Variants in ASCC3 observed in about 807,000 individuals in gnomAD.
ASCC3 encodes the protein activating signal cointegrator 1 complex subunit 3.
A neutral mutation model predicts 256.3 loss-of-function variants in ASCC3; 158 were observed. That is an observed-to-expected ratio of 0.62 (90% CI 0.54 to 0.70). The LOEUF (loss-of-function observed/expected upper bound fraction) is 0.70, where lower values mean the gene tolerates loss of function less well. ASCC3 is among the 30% of genes least tolerant of loss of function. The probability of loss-of-function intolerance (pLI) is 0.00; values close to 1 mark genes in which losing one functional copy is unlikely to be tolerated. For missense variants in ASCC3, 2,259 were observed against 2,626.0 expected (o/e 0.86, Z 3.05); for synonymous variants, 948 against 883.4 (o/e 1.07, Z -1.30).
chr6:100,530,652 A>G, intron 37 of ASCC3: 1 of 832,916 alleles, frequency 1.2e-6, no homozygotes, highest in African/African-American at 1.6e-5. Flanking sequence ...CATGGATGGC[A>G]TGACAGAATT....
chr6:100,659,058 T>C (rs1776059643), intron 16 of ASCC3, among the ~76,000 whole-genome samples: 1 of 151,408 alleles, frequency 6.6e-6, no homozygotes, highest in African/African-American at 2.4e-5. Flanking sequence ...CAAATGTGCC[T>C]CATAACATGT....
intron 12 of ASCC3, 48 bp from the exon 13 acceptor site, chr6:100,715,581 C>T (rs1182589360): frequency 2.0e-6 from 3 of 1,521,894 alleles, no homozygotes; most frequent in Non-Finnish European, 9.0e-7. Flanking sequence ...CAATTATAAA[C>T]TTTCTAACTA....
chr6:100,591,042 G>A (rs1013280901), intron 34 of ASCC3, among the ~76,000 whole-genome samples: 1 of 151,968 alleles, frequency 6.6e-6, no homozygotes, highest in Non-Finnish European at 1.5e-5. Flanking sequence ...TAAAAAGGAA[G>A]TTACTTTAAT....
intron 10 of ASCC3, among the ~76,000 whole-genome samples, chr6:100,751,395 A>G (rs551778276): frequency 6.6e-6 from 1 of 152,086 alleles, no homozygotes; most frequent in East Asian, 1.9e-4. Flanking sequence ...AGGGTTCTTG[A>G]ATTTCTGACA....
At chr6:100,630,453 A>T (rs1774479571) in intron 26 of ASCC3, among the ~76,000 whole-genome samples, 1 of 151,562 alleles carries the variant, frequency 6.6e-6, no homozygotes, top group Non-Finnish European at 1.5e-5. Context: ...TTGAAAAAAC[A>T]TGAGCTAGGA....
In ASCC3 at chr6:100,519,118, G is replaced by C. The variant is rs144807200; in HGVS notation, c.5776-976C>G. Among the ~76,000 whole-genome samples, 391 of 152,134 alleles carry C rather than the reference G, an allele frequency of 2.6e-3. 7 individuals are homozygous for C. The highest frequency in any genetic ancestry group is 8.8e-3 in the African/African-American group (365 of 41,510). On this transcript the variant is annotated intron_variant, in intron 37 of 41. Transcript: ENST00000369162. The stretch of plus-strand genomic sequence containing the variant: ...AAAAATTAATTTGCTATACTACTTA[G>C]TACTGTTGATAGAGAAACATTTTCC...
At chr6:100,596,581 G>A (rs1203121087) in intron 34 of ASCC3, among the ~76,000 whole-genome samples, 1 of 151,884 alleles carries the variant, frequency 6.6e-6, no homozygotes, top group East Asian at 1.9e-4. Context: ...TTTTTGCCTC[G>A]AATTTGGTTT....
intron 2 of ASCC3, among the ~76,000 whole-genome samples, chr6:100,866,654 TAA>T (rs1350885429): frequency 6.6e-6 from 1 of 152,032 alleles, no homozygotes; most frequent in Non-Finnish European, 1.5e-5. Context: ...TTTAGACACA[TAA>T]AAAGACACCA....
At chr6:100,862,623 T>C (rs559604319) in intron 3 of ASCC3, among the ~76,000 whole-genome samples, 2 of 152,292 alleles carry the variant, frequency 1.3e-5, no homozygotes, top group Admixed American at 1.3e-4. Context: ...TTCATTTATT[T>C]AACAAATGAA....
intron 30 of ASCC3, among the ~76,000 whole-genome samples, chr6:100,608,166 ACATATT>A (rs1295531371): frequency 1.7e-3 from 202 of 119,896 alleles, no homozygotes; most frequent in South Asian, 2.9e-3. Context: ...ATATTTATAT[ACATATT>A]TATATATGTG....
At chr6:100,510,199 G>C (rs746042239) in intron 40 of ASCC3, 92 bp from the exon 41 acceptor site, 15 of 1,312,354 alleles carry the variant, frequency 1.1e-5, no homozygotes, top group Non-Finnish European at 1.4e-5. Context: ...TTACTTGAAG[G>C]CCATACATCT....
Position 100,651,599 on chromosome 6 carries a change from A to G in ASCC3, c.3036T>C (p.Phe1012=). Residue 1012 remains phenylalanine (F), a synonymous_variant, in exon 19 of 42, where the codon TTT becomes TTC. Transcript: ENST00000369162. Reference sequence around the variant, plus strand: ...ATTCTTCAGCTTTGGAGACTATGGCAAAGATATCACCTTCTGTTTTGTGAG... The same window carrying G: ...ATTCTTCAGCTTTGGAGACTATGGCGAAGATATCACCTTCTGTTTTGTGAG... The part of the protein sequence containing the change: ...FDAHKTEGDI[F]AIVSKAEEFD... The G allele has an allele frequency of 6.3e-7, 1 of 1,587,046 alleles. No homozygotes were observed. The highest frequency in any genetic ancestry group is 1.2e-5 in the South Asian group (1 of 85,638).
intron 10 of ASCC3, among the ~76,000 whole-genome samples, chr6:100,760,632 G>A (rs906811088): frequency 6.6e-6 from 1 of 152,124 alleles, no homozygotes; most frequent in Non-Finnish European, 1.5e-5. Context: ...GGAAATAGAA[G>A]ATAGTTTTAA....
At chr6:100,636,232 C>T (rs970667162) in intron 25 of ASCC3, among the ~76,000 whole-genome samples, 4 of 152,102 alleles carry the variant, frequency 2.6e-5, no homozygotes, top group Admixed American at 2.6e-4. Flanking sequence ...CACTTCATGC[C>T]TCTGTTACGT....
At chr6:100,867,039 T>C (rs879803059) in intron 2 of ASCC3, among the ~76,000 whole-genome samples, 5 of 152,192 alleles carry the variant, frequency 3.3e-5, no homozygotes, top group Non-Finnish European at 5.9e-5. Context: ...CTTATATAAG[T>C]TTATCCATCA....
In ASCC3 at chr6:100,853,420, C is replaced by CTTTTTTTTTTTTTTTTTT. The variant is rs11299576; in HGVS notation, c.242-4731_242-4714dup. The stretch of plus-strand genomic sequence containing the variant: ...TTGCATCCATAATTGATAAATATTC[C>CTTTTTTTTTTTTTTTTTT]TTTTTTTTTTTTTTTTTTTGAGACG... On this transcript the variant is annotated intron_variant, in intron 3 of 41. Coordinates refer to ENST00000369162, the MANE Select transcript of ASCC3 (RefSeq NM_006828.4). Among the ~76,000 whole-genome samples, 2 of 127,668 alleles carry CTTTTTTTTTTTTTTTTTT rather than the reference C, an allele frequency of 1.6e-5. 1 individual carries two copies. The allele number at this position is 127,668 out of a possible 152,430, so 83.8% of individuals were successfully genotyped here.
chr6:100,719,670 T>G (rs1779231451), intron 11 of ASCC3, among the ~76,000 whole-genome samples: 1 of 152,002 alleles, frequency 6.6e-6, no homozygotes, highest in Non-Finnish European at 1.5e-5. Flanking sequence ...TGTTATGTCT[T>G]AAGCCAAACC....
At chr6:100,538,862 GA>G (rs879941076) in intron 37 of ASCC3, among the ~76,000 whole-genome samples, 99 of 148,344 alleles carry the variant, frequency 6.7e-4, no homozygotes, top group East Asian at 1.4e-3. Flanking sequence ...TGGGTTTTAT[GA>G]AAAAAAAAAT....
intron 8 of ASCC3, among the ~76,000 whole-genome samples, chr6:100,793,669 G>T (rs888827013): frequency 2.0e-5 from 3 of 151,736 alleles, no homozygotes; most frequent in African/African-American, 7.3e-5. Context: ...AATTTAATTT[G>T]GCAAGTACTA....
Sources: allele counts gnomAD v4.1 joint callset (sites outside exome capture counted in the v4.1 genomes callset), GRCh38; gene constraint gnomAD v4.1.1; transcripts MANE v1.5; gene names NCBI Gene and HGNC (gene_info 2026-07-23, HGNC 2026-07-21).